The following TENT4B variants were observed in gnomAD, a reference collection of about 807,000 sequenced individuals.
The protein encoded by TENT4B is terminal nucleotidyltransferase 4B.
In TENT4B, 10 loss-of-function variants were observed where a neutral mutation model predicts 75.0. The ratio of observed to expected loss-of-function variants is 0.13; its 90% CI spans 0.08 to 0.23. The LOEUF (loss-of-function observed/expected upper bound fraction) is 0.23, where lower values mean the gene tolerates loss of function less well. TENT4B is among the 10% of genes least tolerant of loss of function. The pLI is 1.00. For synonymous variants in TENT4B, 350 were observed against 357.7 expected, an observed-to-expected ratio of 0.98 and a Z score of 0.24; for missense variants, 579 against 893.8, an observed-to-expected ratio of 0.65 and a Z score of 4.49.
chr16:50,154,138 A>T lies in TENT4B; in HGVS notation c.517A>T (p.Asn173Tyr). The part of the protein sequence containing the change: ...RDNKASTYGL[N>Y]YSLLQPSGGR... ...CAACAAGGCCAGCACGTATGGACTCAACTACAGCCTGCTGCAGCCCAGCGG... is the reference window on the plus strand; with the variant it reads ...CAACAAGGCCAGCACGTATGGACTCTACTACAGCCTGCTGCAGCCCAGCGG... The change falls in exon 1 of 12, where the codon AAC becomes TAC. Residue 173 changes from asparagine to tyrosine, a missense_variant. Physicochemically the swap from Asn to Tyr is moderately radical, Grantham distance 143. Coordinates refer to ENST00000561678, the MANE Select transcript of TENT4B (RefSeq NM_001365324.3). 1 of 1,525,602 alleles carries T rather than the reference A, an allele frequency of 6.6e-7. No homozygotes were observed. The highest frequency in any genetic ancestry group is 8.8e-7 in the Non-Finnish European group (1 of 1,142,588). The allele number at this position is 1,525,602 out of a possible 1,614,324, so 94.5% of individuals were successfully genotyped here.
intron 1 of TENT4B, among the ~76,000 whole-genome samples, chr16:50,183,450 G>T (rs1323709582): frequency 6.7e-6 from 1 of 149,670 alleles, no homozygotes; most frequent in Admixed American, 6.7e-5. Flanking sequence ...TGGTTGTGTT[G>T]TCATACTTTG....
In TENT4B at chr16:50,233,624, T is replaced by A. The variant is rs2032360881; in HGVS notation, c.*4296T>A. 1.0e-6 allele frequency: 1 copy of A among 983,784 alleles called. No individual in the cohort carries two copies. The highest frequency in any genetic ancestry group is 1.1e-4 in the East Asian group (1 of 8,830). The allele number at this position is 983,784 out of a possible 1,614,324, so 60.9% of individuals were successfully genotyped here. Reference sequence around the variant, plus strand: ...CTATTTGATACCTAGAATTAAATATTTGAGGACAGTTTTTAGTTAATAAAC... The same window carrying A: ...CTATTTGATACCTAGAATTAAATATATGAGGACAGTTTTTAGTTAATAAAC... On this transcript the variant is annotated 3_prime_UTR_variant, in exon 12 of 12. Coordinates refer to ENST00000561678, the MANE Select transcript of TENT4B (RefSeq NM_001365324.3).
chr16:50,184,019 A>G (rs2038475770), intron 1 of TENT4B, among the ~76,000 whole-genome samples: 1 of 152,230 alleles, frequency 6.6e-6, no homozygotes, highest in African/African-American at 2.4e-5. Context: ...CAACCCAAAA[A>G]GAAACTTTGT....
At position 50,234,701 on chromosome 16, in the gene TENT4B, T is replaced by C. The variant is rs554297146; in HGVS notation, c.*5373T>C. ...ATCACAAGCTTGTTTGTTAGACGTG[T>C]CAAGAGTCTCCAGTCTTTACTACTA... On this transcript the variant is annotated 3_prime_UTR_variant, in exon 12 of 12. Coordinates refer to ENST00000561678, the MANE Select transcript of TENT4B (RefSeq NM_001365324.3). 1.0e-6 allele frequency: 1 copy of C among 985,450 alleles called. No individual in the cohort carries two copies. The highest frequency in any genetic ancestry group is 1.2e-6 in the Non-Finnish European group (1 of 829,924). 61.0% of individuals were successfully genotyped at this position (985,450 alleles called of 1,614,324 possible).
chr16:50,182,891 C>CTTTTTTTTTCTTTTT (rs2038444135), intron 1 of TENT4B, among the ~76,000 whole-genome samples: 1 of 36,458 alleles, frequency 2.7e-5, no homozygotes, highest in Non-Finnish European at 5.1e-5. Context: ...TTTATTTTAC[C>CTTTTTTTTTCTTTTT]TTTTTTTTTT....
At chr16:50,154,533 G>C (rs1291134043) in intron 1 of TENT4B, among the ~76,000 whole-genome samples, 1 of 146,074 alleles carries the variant, frequency 6.8e-6, no homozygotes, top group Non-Finnish European at 1.5e-5. Flanking sequence ...CCTTCCCCAG[G>C]CCCCCCCCTT....
chr16:50,156,660 T>C (rs2037907095), intron 1 of TENT4B, among the ~76,000 whole-genome samples: 1 of 151,448 alleles, frequency 6.6e-6, no homozygotes, highest in South Asian at 2.1e-4. Flanking sequence ...TCCTGATTTC[T>C]TTTTTTTCTT....
At chr16:50,156,490 G>A (rs1214760096) in intron 1 of TENT4B, among the ~76,000 whole-genome samples, 1 of 151,744 alleles carries the variant, frequency 6.6e-6, no homozygotes, top group African/African-American at 2.4e-5. Flanking sequence ...GATTACAGGC[G>A]CTTGCCACCA....
chr16:50,210,797 A>G (rs1212677780), intron 1 of TENT4B, among the ~76,000 whole-genome samples: 1 of 152,026 alleles, frequency 6.6e-6, no homozygotes, highest in East Asian at 1.9e-4. Flanking sequence ...ATTGCCCTGT[A>G]CCTCGCAGGC....
At position 50,232,315 on chromosome 16, in the gene TENT4B, A is replaced by T; in HGVS notation, c.*2987A>T. On this transcript the variant is annotated 3_prime_UTR_variant, in exon 12 of 12. Coordinates refer to ENST00000561678, the MANE Select transcript of TENT4B (RefSeq NM_001365324.3). Reference sequence around the variant, plus strand: ...TGTTTTTTACAAGTAATTGCCCTCCAGTCTTCAACAGTTGATTCTGTTTTA... The same window carrying T: ...TGTTTTTTACAAGTAATTGCCCTCCTGTCTTCAACAGTTGATTCTGTTTTA... The T allele has an allele frequency of 4.1e-6, 4 of 985,362 alleles. No individual in the cohort carries two copies. Among genetic ancestry groups the T allele is most frequent in the Non-Finnish European group, 4.8e-6 (4 of 829,914 alleles). 61.0% of individuals were successfully genotyped at this position (985,362 alleles called of 1,614,324 possible).
intron 1 of TENT4B, among the ~76,000 whole-genome samples, chr16:50,162,418 A>G (rs2038018877): frequency 1.3e-5 from 2 of 152,204 alleles, no homozygotes; most frequent in African/African-American, 4.8e-5. Context: ...ATCCTCTTAT[A>G]TTCCTATCAA....
At chr16:50,154,653 G>A (rs376855062) in intron 1 of TENT4B, among the ~76,000 whole-genome samples, 1 of 151,264 alleles carries the variant, frequency 6.6e-6, no homozygotes, top group East Asian at 1.9e-4. Context: ...CTCAAGATGA[G>A]ACCGCTTAGC....
intron 1 of TENT4B, among the ~76,000 whole-genome samples, chr16:50,171,438 G>T (rs1299065099): frequency 1.3e-5 from 2 of 152,110 alleles, no homozygotes; most frequent in Non-Finnish European, 2.9e-5. Context: ...GAGAATGGAA[G>T]CTGGGAAACA....
Position 50,216,271 on chromosome 16 carries a change from G to T in TENT4B, c.930+76G>T, listed in dbSNP as rs2031548014. On this transcript the variant is annotated intron_variant, in intron 4 of 11. Coordinates refer to ENST00000561678, the MANE Select transcript of TENT4B (RefSeq NM_001365324.3). Reference sequence around the variant, plus strand: ...ACTTGAATTAAAATTAAAGTTTGGTGAGCACAGTTGCATTGCAAGTGAGTG... The same window carrying T: ...ACTTGAATTAAAATTAAAGTTTGGTTAGCACAGTTGCATTGCAAGTGAGTG... The T allele has an allele frequency of 1.3e-5, 20 of 1,538,514 alleles. No homozygotes were observed. The South Asian group carries it at 2.3e-4, about 18-fold the overall frequency.
At chr16:50,224,142 T>C (rs2031944049) in intron 7 of TENT4B, among the ~76,000 whole-genome samples, 1 of 152,220 alleles carries the variant, frequency 6.6e-6, no homozygotes, top group African/African-American at 2.4e-5. Flanking sequence ...TTGAGCTGCC[T>C]TATAAACATT....
intron 1 of TENT4B, among the ~76,000 whole-genome samples, chr16:50,180,587 T>G (rs1365701688): frequency 1.3e-5 from 2 of 152,040 alleles, no homozygotes; most frequent in African/African-American, 4.8e-5. Flanking sequence ...CATGTGCCTG[T>G]GGTCCCAGCT....
At chr16:50,175,484 T>G (rs1341161172) in intron 1 of TENT4B, among the ~76,000 whole-genome samples, 3 of 152,128 alleles carry the variant, frequency 2.0e-5, no homozygotes, top group Non-Finnish European at 2.9e-5. Context: ...AAGATCTATG[T>G]CTGGATTCTC....
intron 1 of TENT4B, among the ~76,000 whole-genome samples, chr16:50,160,734 T>C (rs2150668335): frequency 6.6e-6 from 1 of 152,332 alleles, no homozygotes; most frequent in East Asian, 1.9e-4. Context: ...TTGCACCTGC[T>C]GAAGCTGAGA....
At chr16:50,157,424 C>T (rs957829589) in intron 1 of TENT4B, among the ~76,000 whole-genome samples, 1 of 152,194 alleles carries the variant, frequency 6.6e-6, no homozygotes, top group Admixed American at 6.5e-5. Context: ...TTCCCTCTTA[C>T]ACATGACATG....
Sources: allele counts gnomAD v4.1 joint callset (sites outside exome capture counted in the v4.1 genomes callset), GRCh38; gene constraint gnomAD v4.1.1; transcripts MANE v1.5; gene names NCBI Gene and HGNC (gene_info 2026-07-23, HGNC 2026-07-21).